PLA2G2E: variants seen among roughly 807,000 people sequenced by gnomAD.
PLA2G2E encodes the protein group IIE secretory phospholipase A2.
In PLA2G2E, 14 loss-of-function variants were observed where a neutral mutation model predicts 16.5. The ratio of observed to expected loss-of-function variants is 0.85; its 90% CI spans 0.56 to 1.33. The LOEUF is 1.33. Among genes scored for constraint, PLA2G2E ranks in the 40% most tolerant of loss-of-function variants. The pLI is 0.00. For missense variants in PLA2G2E, 174 were observed against 190.7 expected (o/e 0.91, Z 0.52); for synonymous variants, 72 against 77.2 (o/e 0.93, Z 0.36).
chr1:19,921,446 G>T (rs888842201), intron 3 of PLA2G2E, among the ~76,000 whole-genome samples: 2 of 152,208 alleles, frequency 1.3e-5, no homozygotes, highest in Non-Finnish European at 2.9e-5. Context: ...TCCAGAGCTT[G>T]TGTCTCCACC....
intron 2 of PLA2G2E, 101 bp from the exon 3 acceptor site, chr1:19,922,505 T>C: frequency 6.5e-7 from 1 of 1,546,628 alleles, no homozygotes; most frequent in Non-Finnish European, 8.8e-7. Flanking sequence ...AGAGGAGAGA[T>C]CAGCCTGAAT....
At position 19,923,617 on chromosome 1, in the gene PLA2G2E, G is replaced by A; in HGVS notation, c.-58C>T. On this transcript the variant is annotated 5_prime_UTR_variant, in exon 1 of 4. Coordinates refer to ENST00000375116, the MANE Select transcript of PLA2G2E (RefSeq NM_014589.3). ...GCATAAAAGGCAGCAGAAGAAAGCA[G>A]CAGGGCCACCTCTGATCTCAGGGAG... 1 of 1,459,532 alleles carries A rather than the reference G, an allele frequency of 6.9e-7. No individual in the cohort carries two copies. Among genetic ancestry groups the A allele is most frequent in the Non-Finnish European group, 9.3e-7 (1 of 1,071,892 alleles). The allele number at this position is 1,459,532 out of a possible 1,614,324, so 90.4% of individuals were successfully genotyped here. A position where few individuals can be genotyped will look rare whatever the true frequency, so the allele number is the denominator to read the frequency against.
chr1:19,920,574 C>A lies in PLA2G2E; in HGVS notation c.287-125G>T. On this transcript the variant is annotated intron_variant, in intron 3 of 3. Coordinates refer to ENST00000375116, the MANE Select transcript of PLA2G2E (RefSeq NM_014589.3). The surrounding 1 kb of genome is among the most constrained non-coding windows in gnomAD (Gnocchi z 4.3). ...CCATTCTGATGGAAGCCCAAGCTCC[C>A]GGGTTGTTTCACGGATGGGTGAGAC... The A allele has an allele frequency of 1.0e-6, 1 of 970,624 alleles. No homozygotes were observed. Among genetic ancestry groups the A allele is most frequent in the East Asian group, 2.6e-5 (1 of 39,020 alleles). 60.1% of individuals were successfully genotyped at this position (970,624 alleles called of 1,614,324 possible). A position where few individuals can be genotyped will look rare whatever the true frequency, so the allele number is the denominator to read the frequency against.
rs540714785 is a variant in PLA2G2E, at chr1:19,923,563, A to T, written c.-4T>A. On this transcript the variant is annotated 5_prime_UTR_variant, in exon 1 of 4. Coordinates refer to ENST00000375116, the MANE Select transcript of PLA2G2E (RefSeq NM_014589.3). Reference sequence around the variant, plus strand: ...CCAGCACGTGGGGAGATTTCATCCCAGGTTGGGGGGAAGGGAGGTGCACAA... The same window carrying T: ...CCAGCACGTGGGGAGATTTCATCCCTGGTTGGGGGGAAGGGAGGTGCACAA... 12 of 1,550,284 alleles carry T rather than the reference A, an allele frequency of 7.7e-6. No homozygotes were observed. In the African/African-American group the frequency reaches 1.6e-4, roughly 21 times the overall value.
chr1:19,922,577 T>TGAG (rs765968461), intron 2 of PLA2G2E, 40 bp downstream of exon 2: 1 of 1,610,534 alleles, frequency 6.2e-7, no homozygotes, highest in Non-Finnish European at 8.5e-7. Context: ...CCCCAGCTCC[T>TGAG]CCATCCCCAT....
chr1:19,922,286 C>A lies in PLA2G2E; in HGVS notation c.286+12G>T, dbSNP rs1412310980. The stretch of plus-strand genomic sequence containing the variant: ...GCAGGGTGTCTAGGTCACTTCAGGG[C>A]TCTCCACCTACCGCAGAAAATGCCA... On this transcript the variant is annotated intron_variant, in intron 3 of 3. Transcript: ENST00000375116. The A allele has an allele frequency of 1.8e-5, 29 of 1,600,398 alleles. No homozygotes were observed. The highest frequency in any genetic ancestry group is 2.2e-5 in the Non-Finnish European group (26 of 1,168,172).
At chr1:19,923,046 C>T (rs1376016947) in intron 1 of PLA2G2E, among the ~76,000 whole-genome samples, 3 of 152,172 alleles carry the variant, frequency 2.0e-5, no homozygotes, top group African/African-American at 7.2e-5. Context: ...TCCAGGGGCT[C>T]CCCACCAGCC....
intron 3 of PLA2G2E, among the ~76,000 whole-genome samples, chr1:19,922,086 C>T (rs1236270216): frequency 2.6e-5 from 4 of 152,182 alleles, no homozygotes. Flanking sequence ...GGGCTGAGGG[C>T]TGCACTGATG....
chr1:19,920,979 T>C lies in PLA2G2E; in HGVS notation c.287-530A>G, dbSNP rs941753421. 2.0e-5 allele frequency among the ~76,000 whole-genome samples: 3 copies of C among 152,124 alleles called. No individual in the cohort carries two copies. The highest frequency in any genetic ancestry group is 7.2e-5 in the African/African-American group (3 of 41,428). On this transcript the variant is annotated intron_variant, in intron 3 of 3. Transcript: ENST00000375116. This position sits in a 1 kb window ranked among gnomAD's most constrained non-coding sequence, Gnocchi z 4.3. ...CCTCATCAGAGTGGACAGAGCCCAG[T>C]TTTCTGCCCATACCCAGCCTGGGAG...
chr1:19,921,616 A>G (rs1324510170), intron 3 of PLA2G2E, among the ~76,000 whole-genome samples: 1 of 152,208 alleles, frequency 6.6e-6, no homozygotes, highest in Non-Finnish European at 1.5e-5. Flanking sequence ...GACAGAATTT[A>G]GAGACCTGAG....
At chr1:19,922,041 G>A (rs1234336374) in intron 3 of PLA2G2E, among the ~76,000 whole-genome samples, 1 of 152,218 alleles carries the variant, frequency 6.6e-6, no homozygotes, top group East Asian at 1.9e-4. Flanking sequence ...CCAGAGGCTG[G>A]AGCTGGGAGG....
At chr1:19,921,987 C>T (rs1014115569) in intron 3 of PLA2G2E, among the ~76,000 whole-genome samples, 2 of 152,226 alleles carry the variant, frequency 1.3e-5, no homozygotes, top group Non-Finnish European at 1.5e-5. Context: ...CTGAGTCCAG[C>T]TCCTCTGGGC....
At chr1:19,922,788 G>GC in intron 1 of PLA2G2E, 33 bp from the exon 2 acceptor site, 3 of 1,483,588 alleles carry the variant, frequency 2.0e-6, no homozygotes, top group Non-Finnish European at 2.8e-6. Flanking sequence ...GGAGAGGGAG[G>GC]GCCCCACCCT....
rs1557688553 is a variant in PLA2G2E at position 19,922,367 on chromosome 1, C to T, written c.217G>A (p.Glu73Lys). 1 of 1,614,082 alleles carries T rather than the reference C, an allele frequency of 6.2e-7. No individual in the cohort carries two copies. The change falls in exon 3 of 4, where the codon GAG becomes AAG. Residue 73 changes from glutamate (E) to lysine (K), a missense_variant. Glu to Lys is a moderately conservative substitution (Grantham distance 56). Coordinates refer to ENST00000375116, the MANE Select transcript of PLA2G2E (RefSeq NM_014589.3). ...AGTTTGGGCTCACAGCCCAGCTTCT[C>T]CAGACGCCCGTAGCAGCAGTCGTGG... Reference protein sequence around the residue: ...HAHDCCYGRLEKLGCEPKLEK... With the variant: ...HAHDCCYGRLKKLGCEPKLEK...
In PLA2G2E at chr1:19,922,760, A is replaced by AGAGAGGGAGAGGGAGAGGGAGAGGGAGG; in HGVS notation, c.41-33_41-6dup. ...GGTTCCCGGTGACCAGAGCCACTGC[A>AGAGAGGGAGAGGGAGAGGGAGAGGGAGG]GAGAGGGAGAGGGAGAGGGAGAGGG... On this transcript the variant is annotated splice_polypyrimidine_tract_variant and splice_region_variant and intron_variant, in intron 1 of 3. Coordinates refer to ENST00000375116, the MANE Select transcript of PLA2G2E (RefSeq NM_014589.3). 1 of 1,611,958 alleles carries AGAGAGGGAGAGGGAGAGGGAGAGGGAGG rather than the reference A, an allele frequency of 6.2e-7. No homozygotes were observed. Among genetic ancestry groups the AGAGAGGGAGAGGGAGAGGGAGAGGGAGG allele is most frequent in the Non-Finnish European group, 8.5e-7 (1 of 1,179,328 alleles).
At chr1:19,922,490 A>C in intron 2 of PLA2G2E, 86 bp from the exon 3 acceptor site, 12 of 1,534,458 alleles carry the variant, frequency 7.8e-6, no homozygotes, top group Non-Finnish European at 1.1e-5. Flanking sequence ...AGCCCAAAGC[A>C]GCCCAGAGGA....
Position 19,920,560 on chromosome 1 carries a change from G to A in PLA2G2E, c.287-111C>T. 9.0e-7 allele frequency: 1 copy of A among 1,105,496 alleles called. No homozygotes were observed. The highest frequency in any genetic ancestry group is 1.3e-6 in the Non-Finnish European group (1 of 774,278). 68.5% of individuals were successfully genotyped at this position (1,105,496 alleles called of 1,614,324 possible). On this transcript the variant is annotated intron_variant, in intron 3 of 3. Coordinates refer to ENST00000375116, the MANE Select transcript of PLA2G2E (RefSeq NM_014589.3). The surrounding 1 kb of genome is among the most constrained non-coding windows in gnomAD (Gnocchi z 4.3). ...GACCTGGACCAACTCCATTCTGATGGAAGCCCAAGCTCCCGGGTTGTTTCA... is the reference window on the plus strand; with the variant it reads ...GACCTGGACCAACTCCATTCTGATGAAAGCCCAAGCTCCCGGGTTGTTTCA...
At chr1:19,921,654 C>T (rs959937042) in intron 3 of PLA2G2E, among the ~76,000 whole-genome samples, 1 of 152,250 alleles carries the variant, frequency 6.6e-6, no homozygotes, top group African/African-American at 2.4e-5. Flanking sequence ...AATCCTTCCG[C>T]GCTGCAGCAT....
In PLA2G2E at chr1:19,920,318, G is replaced by A; in HGVS notation, c.418C>T (p.Pro140Ser). Residue 140 changes from proline to serine, a missense_variant, in exon 4 of 4, where the codon CCG (proline) becomes TCG (serine). Coordinates refer to ENST00000375116, the MANE Select transcript of PLA2G2E (RefSeq NM_014589.3). This position sits in a 1 kb window ranked among gnomAD's most constrained non-coding sequence, Gnocchi z 4.3. ...YPNKLCTGPT[P>S]PC ...GGCCGAGCATAGCCTCAGCAGGGCGGGGTGGGCCCGGTGCACAGCTTGTTG... is the reference window on the plus strand; with the variant it reads ...GGCCGAGCATAGCCTCAGCAGGGCGAGGTGGGCCCGGTGCACAGCTTGTTG... 1.2e-6 allele frequency: 2 copies of A among 1,612,394 alleles called. No homozygotes were observed. Among genetic ancestry groups the A allele is most frequent in the Non-Finnish European group, 1.7e-6 (2 of 1,179,630 alleles).
Sources: gnomAD v4.1 joint callset for allele counts (sites outside exome capture counted in the v4.1 genomes callset) on GRCh38, gnomAD v4.1.1 for gene constraint, Gnocchi (gnomAD v3.1) non-coding constraint, MANE v1.5 for transcripts, NCBI Gene and HGNC (gene_info 2026-07-23, HGNC 2026-07-21) for gene names.